SUPT3H: variants seen among roughly 807,000 people sequenced by gnomAD.
SUPT3H encodes the protein SPT3 homolog, SAGA and STAGA complex component, also known as transcription initiation protein SPT3 homolog.
Under a neutral mutation model 44.3 loss-of-function variants are expected in SUPT3H, and 44 were observed. That is an observed-to-expected ratio of 0.99 (90% confidence interval 0.78 to 1.28). SUPT3H has a LOEUF of 1.28. Ranked by LOEUF, SUPT3H falls within the 50% of genes most tolerant of loss-of-function variation. The pLI is 0.00. For missense variants in SUPT3H, 380 were observed against 387.1 expected (o/e 0.98, Z 0.15); for synonymous variants, 124 against 125.6 (o/e 0.99, Z 0.09).
At chr6:45,174,594 G>T (rs1039328129) in intron 2 of SUPT3H, among the ~76,000 whole-genome samples, 1 of 152,130 alleles carries the variant, frequency 6.6e-6, no homozygotes, top group Non-Finnish European at 1.5e-5. Flanking sequence ...GCTTAAAACA[G>T]CTTTCACTTT....
chr6:45,193,641 G>A (rs549156053), intron 2 of SUPT3H, among the ~76,000 whole-genome samples: 12 of 152,042 alleles, frequency 7.9e-5, no homozygotes, highest in Non-Finnish European at 1.0e-4. Flanking sequence ...GCTTGAACCC[G>A]GGAGGCAGGG....
At chr6:45,371,662 T>C (rs554826737) in intron 1 of SUPT3H, among the ~76,000 whole-genome samples, 47 of 152,358 alleles carry the variant, frequency 3.1e-4, no homozygotes, top group Admixed American at 2.7e-3. Flanking sequence ...GTTGTAAACA[T>C]AGCAGTCAGG....
At chr6:45,175,268 G>C (rs145826235) in intron 2 of SUPT3H, among the ~76,000 whole-genome samples, 5 of 151,992 alleles carry the variant, frequency 3.3e-5, no homozygotes, top group African/African-American at 1.2e-4. Flanking sequence ...AAAACTGCCC[G>C]AGACTGAGTA....
intron 10 of SUPT3H, among the ~76,000 whole-genome samples, chr6:44,868,375 T>G (rs767310496): frequency 2.0e-4 from 30 of 152,232 alleles, no homozygotes; most frequent in Non-Finnish European, 4.0e-4. Context: ...CCCCAATAAT[T>G]ATACTTTTTA....
chr6:45,005,636 G>A (rs1434722171), intron 5 of SUPT3H, among the ~76,000 whole-genome samples: 1 of 151,170 alleles, frequency 6.6e-6, no homozygotes, highest in Non-Finnish European at 1.5e-5. Flanking sequence ...GGGATACAGA[G>A]GTTGTGGTGA....
intron 2 of SUPT3H, among the ~76,000 whole-genome samples, chr6:45,183,476 C>T (rs1813635758): frequency 6.6e-6 from 1 of 152,132 alleles, no homozygotes; most frequent in Non-Finnish European, 1.5e-5. Flanking sequence ...AAAGTGGGAG[C>T]AGGTACATCA....
At chr6:45,039,516 C>T (rs1315686336) in intron 3 of SUPT3H, among the ~76,000 whole-genome samples, 1 of 152,016 alleles carries the variant, frequency 6.6e-6, no homozygotes, top group Non-Finnish European at 1.5e-5. Flanking sequence ...ACTCCTGGGC[C>T]GGGCATGTAA....
intron 10 of SUPT3H, among the ~76,000 whole-genome samples, chr6:44,884,629 C>A (rs571743890): frequency 2.6e-5 from 4 of 152,236 alleles, no homozygotes; most frequent in African/African-American, 9.6e-5. Flanking sequence ...AAATGTGGAT[C>A]AGGAGCCAAG....
chr6:45,278,384 T>G (rs567662017), intron 2 of SUPT3H, among the ~76,000 whole-genome samples: 1 of 152,330 alleles, frequency 6.6e-6, no homozygotes, highest in South Asian at 2.1e-4. Flanking sequence ...ATAATGAACA[T>G]GTTAAGTATA....
intron 2 of SUPT3H, among the ~76,000 whole-genome samples, chr6:45,123,950 A>T (rs1345526194): frequency 1.3e-5 from 2 of 152,204 alleles, no homozygotes; most frequent in Non-Finnish European, 2.9e-5. Context: ...CCATTTAAAA[A>T]TGTAAAAAAT....
chr6:44,981,094 T>A (rs1779032830), intron 6 of SUPT3H, among the ~76,000 whole-genome samples: 1 of 152,212 alleles, frequency 6.6e-6, no homozygotes, highest in Admixed American at 6.5e-5. Context: ...TCACTGCTAC[T>A]GACATGTTCT....
intron 10 of SUPT3H, among the ~76,000 whole-genome samples, chr6:44,848,988 C>T (rs1170577542): frequency 6.6e-6 from 1 of 152,176 alleles, no homozygotes; most frequent in Non-Finnish European, 1.5e-5. Flanking sequence ...GATAAAAACA[C>T]TACCTTATAA....
chr6:45,251,370 T>C (rs1430042746), intron 2 of SUPT3H, among the ~76,000 whole-genome samples: 3 of 149,952 alleles, frequency 2.0e-5, no homozygotes, highest in Admixed American at 6.7e-5. Flanking sequence ...TTTAAACTTA[T>C]TCTAAATGAC....
chr6:45,114,608 A>G (rs1240883242), intron 2 of SUPT3H, among the ~76,000 whole-genome samples: 1 of 152,202 alleles, frequency 6.6e-6, no homozygotes, highest in Non-Finnish European at 1.5e-5. Context: ...GCATCTGAGA[A>G]AGTTTACAAA....
chr6:44,939,724 A>G (rs1340677026), intron 9 of SUPT3H, among the ~76,000 whole-genome samples: 1 of 152,162 alleles, frequency 6.6e-6, no homozygotes, highest in African/African-American at 2.4e-5. Flanking sequence ...TACTGATTCA[A>G]TCTTGGTACT....
chr6:45,151,411 C>T (rs535498211), intron 2 of SUPT3H, among the ~76,000 whole-genome samples: 2 of 152,182 alleles, frequency 1.3e-5, no homozygotes, highest in African/African-American at 2.4e-5. Flanking sequence ...ATATATAGCA[C>T]TCATATTGAC....
At chr6:45,351,209 T>C (rs562002923) in intron 2 of SUPT3H, among the ~76,000 whole-genome samples, 1 of 152,212 alleles carries the variant, frequency 6.6e-6, no homozygotes, top group East Asian at 1.9e-4. Context: ...AAAAAAATTA[T>C]GCTCTAAATT....
At chr6:44,916,596 A>T (rs1767841694) in intron 10 of SUPT3H, among the ~76,000 whole-genome samples, 1 of 152,174 alleles carries the variant, frequency 6.6e-6, no homozygotes, top group African/African-American at 2.4e-5. Context: ...AACATTAGGG[A>T]ATTTTTTGAA....
intron 3 of SUPT3H, among the ~76,000 whole-genome samples, chr6:45,087,342 G>A (rs960564758): frequency 2.6e-5 from 4 of 151,532 alleles, no homozygotes; most frequent in Admixed American, 1.3e-4. Context: ...ATGTTTAAAG[G>A]GTCAATTCAC....
Sources: gnomAD v4.1 joint callset for allele counts (sites outside exome capture counted in the v4.1 genomes callset) on GRCh38, gnomAD v4.1.1 for gene constraint, MANE v1.5 for transcripts, NCBI Gene and HGNC (gene_info 2026-07-23, HGNC 2026-07-21) for gene names.